The following DGKD variants were observed in gnomAD, a reference collection of about 807,000 sequenced individuals.
DGKD encodes diacylglycerol kinase delta, also known as DAG kinase delta.
DGKD carries 68 observed loss-of-function variants against 154.4 expected under a neutral mutation model. The observed-to-expected ratio is 0.44, with a 90% CI of 0.36 to 0.54. DGKD has a LOEUF of 0.54. Ranked by LOEUF, DGKD falls within the 20% of genes least tolerant of loss-of-function variation. The pLI is 0.00. For missense variants in DGKD, 1,343 were observed against 1,593.6 expected, an observed-to-expected ratio of 0.84 and a Z score of 2.68; for synonymous variants, 693 against 638.0, an observed-to-expected ratio of 1.09 and a Z score of -1.30.
intron 3 of DGKD, among the ~76,000 whole-genome samples, chr2:233,418,729 C>A (rs886903913): frequency 2.6e-5 from 4 of 152,178 alleles, no homozygotes; most frequent in Non-Finnish European, 4.4e-5. Flanking sequence ...CCCTCCTTCC[C>A]CCCAAAGCTG....
intron 2 of DGKD, among the ~76,000 whole-genome samples, chr2:233,389,644 A>G (rs1703451684): frequency 6.6e-6 from 1 of 151,894 alleles, no homozygotes; most frequent in Admixed American, 6.6e-5. Flanking sequence ...GGGAAAGGTT[A>G]CTTAAAAGAT....
At chr2:233,416,728 C>T (rs1358831258) in intron 3 of DGKD, among the ~76,000 whole-genome samples, 1 of 152,218 alleles carries the variant, frequency 6.6e-6, no homozygotes, top group East Asian at 1.9e-4. Context: ...TACCAGGGAC[C>T]TTTGGTTTGC....
intron 27 of DGKD, 80 bp from the exon 28 acceptor site, chr2:233,467,006 C>T: frequency 8.5e-7 from 1 of 1,178,984 alleles, no homozygotes; most frequent in Non-Finnish European, 1.3e-6. Flanking sequence ...GCCTGCCCTC[C>T]CAGCCTCTCT....
At chr2:233,412,299 G>T (rs745511303) in intron 3 of DGKD, among the ~76,000 whole-genome samples, 3 of 152,092 alleles carry the variant, frequency 2.0e-5, no homozygotes, top group Non-Finnish European at 4.4e-5. Flanking sequence ...ATTTATCTCA[G>T]CAGTGCTTTG....
Position 233,449,462 on chromosome 2 carries a change from G to A in DGKD, c.1888+86G>A. The A allele has an allele frequency of 6.8e-7, 1 of 1,479,300 alleles. No homozygotes were observed. The highest frequency in any genetic ancestry group is 2.3e-5 in the Admixed American group (1 of 44,166). 91.6% of individuals were successfully genotyped at this position (1,479,300 alleles called of 1,614,324 possible). ...CCCCTGAACACGGAGATGACAGAAG[G>A]GTGCATGTTGAGAAAACCTCCACTG... On this transcript the variant is annotated intron_variant, in intron 15 of 29. Transcript: ENST00000264057. This position sits in a 1 kb window ranked among gnomAD's most constrained non-coding sequence, Gnocchi z 5.3.
chr2:233,431,635 A>G (rs1450391584), intron 3 of DGKD, among the ~76,000 whole-genome samples: 1 of 152,240 alleles, frequency 6.6e-6, no homozygotes, highest in Non-Finnish European at 1.5e-5. Flanking sequence ...ACACAGAACA[A>G]TGGAACAGAA....
chr2:233,435,290 C>G (rs1233991065), intron 5 of DGKD, among the ~76,000 whole-genome samples: 1 of 152,162 alleles, frequency 6.6e-6, no homozygotes, highest in African/African-American at 2.4e-5. Flanking sequence ...AGGGTTTGGG[C>G]AAGGGCATTC....
At chr2:233,467,287 T>G in intron 28 of DGKD, 84 bp downstream of exon 28, 2 of 1,008,964 alleles carry the variant, frequency 2.0e-6, no homozygotes, top group Admixed American at 3.4e-5. Flanking sequence ...CTTTCTCCCT[T>G]GGCCTTGCAG....
intron 3 of DGKD, among the ~76,000 whole-genome samples, chr2:233,432,027 A>G (rs1037661024): frequency 6.6e-6 from 1 of 152,256 alleles, no homozygotes; most frequent in Non-Finnish European, 1.5e-5. Context: ...GTTTTTAACA[A>G]GTTAAAAAGT....
At chr2:233,436,711 G>A (rs2062709645) in intron 7 of DGKD, among the ~76,000 whole-genome samples, 3 of 152,288 alleles carry the variant, frequency 2.0e-5, no homozygotes, top group Admixed American at 1.3e-4. Context: ...CGGCACTGTA[G>A]CCGGGTTGTG....
chr2:233,427,950 G>A (rs2062368028), intron 3 of DGKD, among the ~76,000 whole-genome samples: 1 of 152,208 alleles, frequency 6.6e-6, no homozygotes, highest in Non-Finnish European at 1.5e-5. Context: ...CTGAGGGCCT[G>A]TATCTAGCCC....
At chr2:233,450,860 C>T in intron 16 of DGKD, 62 bp from the exon 17 acceptor site, 4 of 1,553,756 alleles carry the variant, frequency 2.6e-6, no homozygotes, top group Non-Finnish European at 2.6e-6. Flanking sequence ...CGCTAAGGAC[C>T]CCCCAGGATT....
chr2:233,434,110 T>G (rs1048276134), intron 3 of DGKD, among the ~76,000 whole-genome samples: 1 of 152,216 alleles, frequency 6.6e-6, no homozygotes, highest in Non-Finnish European at 1.5e-5. Context: ...TTTACTACTG[T>G]GTCTAAGTAG....
At chr2:233,401,122 T>C (rs143129725) in intron 3 of DGKD, among the ~76,000 whole-genome samples, 65 of 152,018 alleles carry the variant, frequency 4.3e-4, no homozygotes, top group African/African-American at 1.5e-3. Context: ...GCTCAGCTTC[T>C]TCCAAGCAGA....
At chr2:233,370,736 C>T (rs1166014158) in intron 1 of DGKD, among the ~76,000 whole-genome samples, 3 of 151,710 alleles carry the variant, frequency 2.0e-5, no homozygotes, top group African/African-American at 7.3e-5. Flanking sequence ...TATTTAAATA[C>T]CTATTTTCAT....
intron 1 of DGKD, among the ~76,000 whole-genome samples, chr2:233,370,744 C>A (rs964228363): frequency 6.6e-6 from 1 of 151,676 alleles, no homozygotes; most frequent in Non-Finnish European, 1.5e-5. Context: ...TACCTATTTT[C>A]ATTTATTTTG....
Position 233,441,461 on chromosome 2 carries a change from T to C in DGKD, c.1086-426T>C, listed in dbSNP as rs1469486198. On this transcript the variant is annotated intron_variant, in intron 9 of 29. Transcript: ENST00000264057. This position sits in a 1 kb window ranked among gnomAD's most constrained non-coding sequence, Gnocchi z 5.6. ...GGTGATGCAGGCAGCCCAGAGGGCA[T>C]GCTGGGAAGGCTGGCAGGGGCCACA... Among the ~76,000 whole-genome samples, 1 of 152,084 alleles carries C rather than the reference T, an allele frequency of 6.6e-6. No homozygotes were observed.
At chr2:233,447,310 C>T (rs920792340) in intron 12 of DGKD, among the ~76,000 whole-genome samples, 1 of 152,178 alleles carries the variant, frequency 6.6e-6, no homozygotes, top group African/African-American at 2.4e-5. Flanking sequence ...TTGTGTTTAA[C>T]GCTCCTACAG....
At chr2:233,399,460 G>T (rs188520728) in intron 3 of DGKD, among the ~76,000 whole-genome samples, 1 of 152,222 alleles carries the variant, frequency 6.6e-6, no homozygotes, top group Non-Finnish European at 1.5e-5. Context: ...CAGCAGCCAC[G>T]GCAGGGCTGG....
Sources: gnomAD v4.1 joint callset for allele counts (sites outside exome capture counted in the v4.1 genomes callset) on GRCh38, gnomAD v4.1.1 for gene constraint, Gnocchi (gnomAD v3.1) non-coding constraint, MANE v1.5 for transcripts, NCBI Gene and HGNC (gene_info 2026-07-23, HGNC 2026-07-21) for gene names.